CAPN13: variants seen among roughly 807,000 people sequenced by gnomAD.
CAPN13 encodes the protein calpain 13.
CAPN13 carries 90 observed loss-of-function variants against 98.4 expected under a neutral mutation model. That is an observed-to-expected ratio of 0.92 (90% CI 0.77 to 1.09). The LOEUF (loss-of-function observed/expected upper bound fraction) is 1.09, where lower values mean the gene tolerates loss of function less well. Ranked by LOEUF, CAPN13 falls within the 50% of genes least tolerant of loss-of-function variation. The pLI, the probability that CAPN13 is intolerant of heterozygous loss-of-function variation, is 0.00. For synonymous variants in CAPN13, 330 were observed against 305.5 expected (o/e 1.08, Z -0.84); for missense variants, 887 against 841.3 (o/e 1.05, Z -0.67).
At chr2:30,805,986 C>T (rs139647683) in intron 1 of CAPN13, among the ~76,000 whole-genome samples, 32 of 152,134 alleles carry the variant, frequency 2.1e-4, no homozygotes, top group African/African-American at 7.5e-4. Flanking sequence ...CACCATGTTG[C>T]CCAGGCTGGT....
At chr2:30,737,877 T>C (rs1671452996) in intron 17 of CAPN13, 1 of 291,846 alleles carries the variant, frequency 3.4e-6, no homozygotes, top group Non-Finnish European at 6.7e-6. Flanking sequence ...TCTGGGCAAA[T>C]TACTTAACCT....
chr2:30,803,986 A>G (rs11673783), intron 1 of CAPN13, among the ~76,000 whole-genome samples: 3 of 152,016 alleles, frequency 2.0e-5, no homozygotes, highest in Admixed American at 6.6e-5. Flanking sequence ...CTTCTCATGC[A>G]CCCCCACAGC....
In CAPN13 at chr2:30,779,049, C is replaced by T. The variant is rs74928501; in HGVS notation, c.199-1410G>A. Among the ~76,000 whole-genome samples the T allele has an allele frequency of 1.6e-3, 246 of 152,292 alleles. 1 individual carries two copies. In the East Asian group the frequency reaches 0.039, roughly 24 times the overall value. Reference sequence around the variant, plus strand: ...TACTGGAAAAGGGGACTTAGGGTCTCAAAGGAGGCCTGCTGTCAAAGATCC... The same window carrying T: ...TACTGGAAAAGGGGACTTAGGGTCTTAAAGGAGGCCTGCTGTCAAAGATCC... On this transcript the variant is annotated intron_variant, in intron 2 of 22. Coordinates refer to ENST00000295055, the MANE Select transcript of CAPN13 (RefSeq NM_144575.3).
At chr2:30,803,735 G>A (rs76611625) in intron 1 of CAPN13, among the ~76,000 whole-genome samples, 1 of 152,166 alleles carries the variant, frequency 6.6e-6, no homozygotes, top group Non-Finnish European at 1.5e-5. Context: ...CCTACAACAT[G>A]TATTAACAAT....
chr2:30,739,091 C>T (rs1204259380), intron 15 of CAPN13, among the ~76,000 whole-genome samples: 1 of 152,172 alleles, frequency 6.6e-6, no homozygotes. Context: ...CTGGCCTCAA[C>T]TTCTGGGGCA....
At chr2:30,797,051 G>T (rs552860429) in intron 1 of CAPN13, among the ~76,000 whole-genome samples, 9 of 152,176 alleles carry the variant, frequency 5.9e-5, no homozygotes, top group Non-Finnish European at 1.2e-4. Context: ...GCAAAAATGT[G>T]CCAGACGGGC....
At chr2:30,768,708 T>TCCTTCCTTCCTTCC (rs1673235097) in intron 5 of CAPN13, among the ~76,000 whole-genome samples, 3 of 152,072 alleles carry the variant, frequency 2.0e-5, no homozygotes, top group African/African-American at 7.3e-5. Flanking sequence ...CTTCCTTCCT[T>TCCTTCCTTCCTTCC]TTATCCACAT....
At chr2:30,804,893 G>C (rs1675515962) in intron 1 of CAPN13, among the ~76,000 whole-genome samples, 1 of 152,192 alleles carries the variant, frequency 6.6e-6, no homozygotes, top group Admixed American at 6.5e-5. Flanking sequence ...TGACATCTAG[G>C]CAGGAACATT....
intron 4 of CAPN13, among the ~76,000 whole-genome samples, chr2:30,774,868 G>A (rs984382045): frequency 2.0e-5 from 3 of 152,108 alleles, no homozygotes; most frequent in Non-Finnish European, 4.4e-5. Flanking sequence ...TTTTATGCAT[G>A]ATATAGGTAC....
At chr2:30,787,728 A>C (rs1209467445) in intron 1 of CAPN13, among the ~76,000 whole-genome samples, 2 of 152,162 alleles carry the variant, frequency 1.3e-5, no homozygotes, top group South Asian at 4.1e-4. Flanking sequence ...GTTGCATTGG[A>C]AAGGTCACGG....
At chr2:30,769,043 G>T (rs1269967121) in intron 5 of CAPN13, among the ~76,000 whole-genome samples, 2 of 152,024 alleles carry the variant, frequency 1.3e-5, no homozygotes, top group East Asian at 3.9e-4. Context: ...CACTTCTAGG[G>T]GGCCTCAAGG....
Position 30,787,260 on chromosome 2 carries a change from G to C in CAPN13, c.66C>G (p.Thr22=), listed in dbSNP as rs371759434. 9 of 1,613,204 alleles carry C rather than the reference G, an allele frequency of 5.6e-6. No homozygotes were observed. In the African/African-American group the frequency reaches 1.2e-4, roughly 22 times the overall value. ...SIIKFKDQDF[T]TLRDHCLSMG... ...TGCTCAGGCAGTGATCCCGCAAGGT[G>C]GTAAAGTCCTGGTCTTTGAACTTGA... is the stretch of plus-strand genomic sequence containing the variant. Residue 22 remains threonine (T), a synonymous_variant, in exon 2 of 23, where the codon ACC becomes ACG. Transcript: ENST00000295055.
chr2:30,774,427 G>A (rs6705265), intron 4 of CAPN13, among the ~76,000 whole-genome samples: 13,123 of 151,922 alleles, frequency 0.086, 1,702 homozygotes, highest in African/African-American at 0.28. Context: ...AAAGAAAAGC[G>A]GAATTAAGAA....
rs556859979 is a variant in CAPN13 at position 30,751,380 on chromosome 2, C to G, written c.1088-129G>C. On this transcript the variant is annotated intron_variant, in intron 10 of 22. Transcript: ENST00000295055. Reference sequence around the variant, plus strand: ...TGGATTGGAGACCTAAGGCCTGGATCCCAATCCCCACAGTTACTACTTGAG... The same window carrying G: ...TGGATTGGAGACCTAAGGCCTGGATGCCAATCCCCACAGTTACTACTTGAG... 4.3e-6 allele frequency: 4 copies of G among 923,148 alleles called. No homozygotes were observed. In the East Asian group the frequency reaches 1.0e-4, roughly 24 times the overall value. 57.2% of individuals were successfully genotyped at this position (923,148 alleles called of 1,614,324 possible).
At chr2:30,752,844 T>A (rs1044889998) in intron 10 of CAPN13, among the ~76,000 whole-genome samples, 5 of 152,280 alleles carry the variant, frequency 3.3e-5, no homozygotes, top group Admixed American at 6.5e-5. Flanking sequence ...TAGGGGAGAA[T>A]CACATCAGAG....
At chr2:30,753,249 G>T in intron 9 of CAPN13, 51 bp from the exon 10 acceptor site, 7 of 1,599,196 alleles carry the variant, frequency 4.4e-6, no homozygotes, top group South Asian at 3.4e-5. Flanking sequence ...GTGTCCCCAG[G>T]GTGGGGGTTC....
At chr2:30,787,633 T>G (rs2148075111) in intron 1 of CAPN13, among the ~76,000 whole-genome samples, 1 of 152,340 alleles carries the variant, frequency 6.6e-6, no homozygotes, top group Middle Eastern at 3.4e-3. Flanking sequence ...GAACATTTAT[T>G]GAGCACTGCC....
At chr2:30,750,265 T>C (rs1179742640) in intron 11 of CAPN13, among the ~76,000 whole-genome samples, 2 of 151,858 alleles carry the variant, frequency 1.3e-5, no homozygotes, top group Non-Finnish European at 2.9e-5. Flanking sequence ...TAAGAACTTA[T>C]GAACACAAAG....
rs372846905 is a variant in CAPN13 at position 30,757,999 on chromosome 2, C to T, written c.866+47G>A. On this transcript the variant is annotated intron_variant, in intron 8 of 22. Transcript: ENST00000295055. Reference sequence around the variant, plus strand: ...TCTCATGGGCAGGAGGCTCTACCGACACCAAGCGCTCTGTGAAGGATGGAG... The same window carrying T: ...TCTCATGGGCAGGAGGCTCTACCGATACCAAGCGCTCTGTGAAGGATGGAG... The T allele has an allele frequency of 4.9e-5, 71 of 1,454,312 alleles. No homozygotes were observed. The African/African-American group carries it at 9.1e-4, about 19-fold the overall frequency. The allele number at this position is 1,454,312 out of a possible 1,614,324, so 90.1% of individuals were successfully genotyped here.
Sources: allele counts gnomAD v4.1 joint callset (sites outside exome capture counted in the v4.1 genomes callset), GRCh38; gene constraint gnomAD v4.1.1; transcripts MANE v1.5; gene names NCBI Gene and HGNC (gene_info 2026-07-23, HGNC 2026-07-21).